The following FAF1 variants were observed in gnomAD, a reference collection of about 807,000 sequenced individuals.
FAF1 encodes the protein Fas associated factor 1, also known as FAS-associated factor 1.
Under a neutral mutation model 92.5 loss-of-function variants are expected in FAF1, and 25 were observed. That is an observed-to-expected ratio of 0.27 (90% CI 0.20 to 0.38). FAF1 has a LOEUF of 0.38. Among genes scored for constraint, FAF1 ranks in the 10% least tolerant of loss-of-function variants. The pLI, the probability that FAF1 is intolerant of heterozygous loss-of-function variation, is 1.00. For synonymous variants in FAF1, 234 were observed against 273.2 expected (o/e 0.86, Z 1.42); for missense variants, 636 against 793.3 (o/e 0.80, Z 2.38).
intron 7 of FAF1, among the ~76,000 whole-genome samples, chr1:50,676,245 A>G (rs986864871): frequency 6.6e-6 from 1 of 151,916 alleles, no homozygotes; most frequent in African/African-American, 2.4e-5. Flanking sequence ...CGTCTCTGCT[A>G]AAGATAGAAA....
At chr1:50,877,633 T>G (rs1450598099) in intron 1 of FAF1, among the ~76,000 whole-genome samples, 2 of 152,112 alleles carry the variant, frequency 1.3e-5, no homozygotes, top group African/African-American at 4.8e-5. Context: ...ATGTAATATA[T>G]GTATGTTCCA....
At chr1:50,548,641 G>C (rs545852489) in intron 13 of FAF1, among the ~76,000 whole-genome samples, 3 of 152,272 alleles carry the variant, frequency 2.0e-5, no homozygotes, top group Admixed American at 2.0e-4. Context: ...AAATAAGCAG[G>C]TGTTGGTCCA....
At chr1:50,727,399 T>C (rs897525632) in intron 6 of FAF1, among the ~76,000 whole-genome samples, 3 of 152,178 alleles carry the variant, frequency 2.0e-5, no homozygotes, top group Admixed American at 1.3e-4. Context: ...TCAATATATA[T>C]CTGGTCAATC....
At chr1:50,774,866 A>G (rs1478088910) in intron 4 of FAF1, among the ~76,000 whole-genome samples, 1 of 152,124 alleles carries the variant, frequency 6.6e-6, no homozygotes, top group Non-Finnish European at 1.5e-5. Flanking sequence ...TTTATTCAAG[A>G]TAAGAAAACA....
At chr1:50,519,773 G>A (rs1044429812) in intron 15 of FAF1, among the ~76,000 whole-genome samples, 3 of 152,082 alleles carry the variant, frequency 2.0e-5, no homozygotes, top group Non-Finnish European at 4.4e-5. Flanking sequence ...AATTGGAAAA[G>A]TACCCTTCTT....
At chr1:50,707,233 T>C (rs1397000002) in intron 6 of FAF1, among the ~76,000 whole-genome samples, 1 of 149,504 alleles carries the variant, frequency 6.7e-6, no homozygotes, top group East Asian at 2.0e-4. Context: ...ATTAGGCAGA[T>C]AATCTGTCTG....
chr1:50,470,531 T>G (rs1045098930), intron 18 of FAF1, among the ~76,000 whole-genome samples: 3 of 152,214 alleles, frequency 2.0e-5, no homozygotes, highest in Non-Finnish European at 4.4e-5. Flanking sequence ...TAACTCAAAT[T>G]TGATATCCAT....
rs1211804108 is a variant in FAF1 at position 50,438,729 on chromosome 1, T to C, written c.*2711A>G. 2 of 152,362 alleles carry C rather than the reference T, an allele frequency of 1.3e-5. No individual in the cohort carries two copies. Among genetic ancestry groups the C allele is most frequent in the Admixed American group, 6.5e-5 (1 of 15,308 alleles). 9.4% of individuals were successfully genotyped at this position (152,362 alleles called of 1,614,324 possible). A position where few individuals can be genotyped will look rare whatever the true frequency, so the allele number is the denominator to read the frequency against. ...TACTGACCAGCACACTTAGATGTTA[T>C]TATGTGACTAATATGTTTCTAATGT... On this transcript the variant is annotated 3_prime_UTR_variant, in exon 19 of 19. Transcript: ENST00000396153.
At chr1:50,701,962 C>T (rs1178696285) in intron 7 of FAF1, among the ~76,000 whole-genome samples, 1 of 152,050 alleles carries the variant, frequency 6.6e-6, no homozygotes, top group Non-Finnish European at 1.5e-5. Context: ...ATTCATCATG[C>T]TTCTTGTTGT....
rs375476103 is a variant in FAF1, at chr1:50,437,464, A to G, written c.*3976T>C. The G allele has an allele frequency of 6.6e-6, 1 of 151,722 alleles. No individual in the cohort carries two copies. Among genetic ancestry groups the G allele is most frequent in the South Asian group, 2.1e-4 (1 of 4,792 alleles). 9.4% of individuals were successfully genotyped at this position (151,722 alleles called of 1,614,324 possible). A position where few individuals can be genotyped will look rare whatever the true frequency, so the allele number is the denominator to read the frequency against. ...CAGTCGCACTATCATGGCTCACTGT[A>G]GCCTTGAACTCCTGGGCTCAAGTGA... On this transcript the variant is annotated 3_prime_UTR_variant, in exon 19 of 19. Coordinates refer to ENST00000396153, the MANE Select transcript of FAF1 (RefSeq NM_007051.3).
chr1:50,503,814 T>C (rs2149017679), intron 15 of FAF1, among the ~76,000 whole-genome samples: 1 of 152,284 alleles, frequency 6.6e-6, no homozygotes, highest in East Asian at 1.9e-4. Flanking sequence ...TAATTTTTAA[T>C]AAAATTCTAG....
At chr1:50,729,696 T>G (rs1658836414) in intron 6 of FAF1, among the ~76,000 whole-genome samples, 1 of 148,174 alleles carries the variant, frequency 6.7e-6, no homozygotes, top group African/African-American at 2.5e-5. Flanking sequence ...TGTGAGCCAC[T>G]GCACCAAAGC....
intron 18 of FAF1, among the ~76,000 whole-genome samples, chr1:50,472,928 C>T (rs1020527010): frequency 1.3e-5 from 2 of 152,118 alleles, no homozygotes; most frequent in Non-Finnish European, 1.5e-5. Context: ...ACTCTCACCC[C>T]ACCCCTGGCT....
intron 8 of FAF1, among the ~76,000 whole-genome samples, chr1:50,625,563 G>C (rs1237515923): frequency 6.6e-6 from 1 of 152,166 alleles, no homozygotes; most frequent in Non-Finnish European, 1.5e-5. Context: ...AGTGTCAGCT[G>C]AGTCTTAAAG....
intron 1 of FAF1, among the ~76,000 whole-genome samples, chr1:50,900,194 A>G (rs950453738): frequency 6.6e-6 from 1 of 152,224 alleles, no homozygotes; most frequent in South Asian, 2.1e-4. Context: ...TTAGCATATT[A>G]AAGCCTACCT....
At chr1:50,490,741 A>G (rs1032499743) in intron 16 of FAF1, 76 bp from the exon 17 acceptor site, 1 of 950,410 alleles carries the variant, frequency 1.1e-6, no homozygotes, top group South Asian at 1.3e-5. Context: ...AAGGAAAGAG[A>G]AAAAAGAAAA....
intron 1 of FAF1, among the ~76,000 whole-genome samples, chr1:50,938,210 A>AAAGC (rs1439425093): frequency 1.4e-4 from 22 of 152,204 alleles, no homozygotes; most frequent in Admixed American, 1.4e-3. Flanking sequence ...AAAATAACTA[A>AAAGC]AAGCCAGGAC....
At chr1:50,612,979 C>A (rs1652748036) in intron 8 of FAF1, among the ~76,000 whole-genome samples, 1 of 152,136 alleles carries the variant, frequency 6.6e-6, no homozygotes, top group Non-Finnish European at 1.5e-5. Context: ...AAGACACAGC[C>A]TGGATCTTAT....
intron 1 of FAF1, among the ~76,000 whole-genome samples, chr1:50,929,269 C>T (rs1210892182): frequency 1.3e-5 from 2 of 151,950 alleles, no homozygotes; most frequent in South Asian, 4.2e-4. Flanking sequence ...ATCATTCATA[C>T]AATTTATACA....
Sources: allele counts gnomAD v4.1 joint callset (sites outside exome capture counted in the v4.1 genomes callset), GRCh38; gene constraint gnomAD v4.1.1; transcripts MANE v1.5; gene names NCBI Gene and HGNC (gene_info 2026-07-23, HGNC 2026-07-21).